The following KHDRBS2 variants were observed in gnomAD, a reference collection of about 807,000 sequenced individuals.
KHDRBS2 encodes the protein KH RNA binding domain containing, signal transduction associated 2.
A neutral mutation model predicts 44.3 loss-of-function variants in KHDRBS2; 26 were observed. The observed-to-expected ratio is 0.59, with a 90% CI of 0.43 to 0.81. The LOEUF (loss-of-function observed/expected upper bound fraction) is 0.81, where lower values mean the gene tolerates loss of function less well. Ranked by LOEUF, KHDRBS2 falls within the 40% of genes least tolerant of loss-of-function variation. KHDRBS2 has a pLI of 0.00. For missense variants in KHDRBS2, 476 were observed against 433.1 expected (o/e 1.10, Z -0.88); for synonymous variants, 194 against 151.1 (o/e 1.28, Z -2.08).
the KHDRBS2 span, among the ~76,000 whole-genome samples, chr6:61,590,584 T>C: frequency 2.0e-5 from 3 of 152,222 alleles, no homozygotes; most frequent in Non-Finnish European, 2.9e-5. Context: ...TTAACCTTTG[T>C]TTCTCACAGT....
intron 2 of KHDRBS2, among the ~76,000 whole-genome samples, chr6:62,067,714 T>C (rs1319892771): frequency 2.6e-5 from 4 of 151,534 alleles, no homozygotes; most frequent in African/African-American, 2.4e-5. Flanking sequence ...AAAAATCCCA[T>C]ACTTAATACT....
intron 7 of KHDRBS2, among the ~76,000 whole-genome samples, chr6:61,722,968 C>CA (rs902917575): frequency 8.5e-5 from 13 of 152,054 alleles, no homozygotes; most frequent in Non-Finnish European, 1.6e-4. Context: ...CTTGGCCTCC[C>CA]AAAGTGCTGG....
At chr6:62,274,933 C>T (rs1047573317) in intron 1 of KHDRBS2, among the ~76,000 whole-genome samples, 2 of 151,350 alleles carry the variant, frequency 1.3e-5, no homozygotes, top group Non-Finnish European at 2.9e-5. Context: ...ATACATATAT[C>T]GCTCATCAAA....
chr6:61,585,297 G>A, the KHDRBS2 span, among the ~76,000 whole-genome samples: 5 of 151,896 alleles, frequency 3.3e-5, no homozygotes, highest in Admixed American at 6.6e-5. Flanking sequence ...ATAAAATAGA[G>A]AAAAATGGTA....
At chr6:62,136,059 C>CA (rs1259600118) in intron 2 of KHDRBS2, among the ~76,000 whole-genome samples, 3,809 of 94,572 alleles carry the variant, frequency 0.04, 77 homozygotes, top group African/African-American at 0.092. Context: ...ATTCTCACCA[C>CA]AAAAAAAAAA....
chr6:62,113,602 G>C (rs768009043), intron 2 of KHDRBS2, among the ~76,000 whole-genome samples: 3 of 151,950 alleles, frequency 2.0e-5, no homozygotes, highest in Admixed American at 1.3e-4. Context: ...TAACACAATC[G>C]CATGGCCTCT....
Position 61,754,870 on chromosome 6 carries a change from G to T in KHDRBS2, c.811-22106C>A, listed in dbSNP as rs1173783101. Among the ~76,000 whole-genome samples the T allele has an allele frequency of 2.0e-5, 3 of 152,070 alleles. 1 individual carries two copies. The highest frequency in any genetic ancestry group is 4.4e-5 in the Non-Finnish European group (3 of 68,000). ...TTGCTCTGCTAAAATGAAAATAATA[G>T]CAATGATTTGCAGCCTTCAGAGTTA... On this transcript the variant is annotated intron_variant, in intron 6 of 8. Coordinates refer to ENST00000281156, the MANE Select transcript of KHDRBS2 (RefSeq NM_152688.4).
intron 1 of KHDRBS2, among the ~76,000 whole-genome samples, chr6:62,243,364 A>T (rs1835010522): frequency 6.6e-6 from 1 of 152,082 alleles, no homozygotes; most frequent in South Asian, 2.1e-4. Context: ...GTTCAATTTC[A>T]AATTTACAAT....
the KHDRBS2 span, chr6:61,574,533 A>T: frequency 5.3e-6 from 3 of 563,220 alleles, no homozygotes; most frequent in African/African-American, 3.9e-5. Context: ...GTATAACCCA[A>T]CCTCCGAGCA....
intron 3 of KHDRBS2, among the ~76,000 whole-genome samples, chr6:62,001,191 A>C (rs1778172960): frequency 6.6e-6 from 1 of 152,214 alleles, no homozygotes; most frequent in African/African-American, 2.4e-5. Flanking sequence ...TCCTTAAAGA[A>C]TATGCAAATT....
At chr6:61,922,312 G>C (rs1284853269) in intron 4 of KHDRBS2, among the ~76,000 whole-genome samples, 1 of 151,954 alleles carries the variant, frequency 6.6e-6, no homozygotes, top group East Asian at 1.9e-4. Context: ...ATGTCTTATT[G>C]CCTTGAAAAA....
chr6:62,070,308 G>A (rs1350120406), intron 2 of KHDRBS2, among the ~76,000 whole-genome samples: 1 of 148,250 alleles, frequency 6.7e-6, no homozygotes, highest in Non-Finnish European at 1.5e-5. Context: ...TACTGGCCTT[G>A]TAAAATAAGT....
the KHDRBS2 span, among the ~76,000 whole-genome samples, chr6:61,568,799 T>A: frequency 6.6e-6 from 1 of 152,192 alleles, no homozygotes; most frequent in Non-Finnish European, 1.5e-5. Flanking sequence ...TCCCTGACTA[T>A]CTCTCACAGG....
chr6:61,736,029 C>G lies in KHDRBS2; in HGVS notation c.811-3265G>C, dbSNP rs1275404524. ...CTTTTCATTCATTGTGTTGGGTGCT[C>G]AATGAGCTCTTTCAATCTAGAGGCT... On this transcript the variant is annotated intron_variant, in intron 6 of 8. Coordinates refer to ENST00000281156, the MANE Select transcript of KHDRBS2 (RefSeq NM_152688.4). Among the ~76,000 whole-genome samples, 6 of 151,116 alleles carry G rather than the reference C, an allele frequency of 4.0e-5. No individual in the cohort carries two copies. The Admixed American group carries it at 4.0e-4, about 10-fold the overall frequency.
intron 2 of KHDRBS2, among the ~76,000 whole-genome samples, chr6:62,093,503 C>T (rs1799880852): frequency 6.6e-6 from 1 of 151,660 alleles, no homozygotes; most frequent in African/African-American, 2.4e-5. Context: ...ATTAAAAAAC[C>T]TCTCTTCTTG....
intron 8 of KHDRBS2, among the ~76,000 whole-genome samples, chr6:61,683,017 A>T (rs1327359449): frequency 6.6e-6 from 1 of 151,876 alleles, no homozygotes; most frequent in Non-Finnish European, 1.5e-5. Context: ...TTTTTAACAA[A>T]AAGAATGTAC....
chr6:61,862,644 C>T (rs1342065455), intron 6 of KHDRBS2, among the ~76,000 whole-genome samples: 1 of 152,068 alleles, frequency 6.6e-6, no homozygotes, highest in Non-Finnish European at 1.5e-5. Flanking sequence ...TATGCTTAAC[C>T]AACCTTGCGT....
At chr6:61,736,975 G>A (rs571330564) in intron 6 of KHDRBS2, among the ~76,000 whole-genome samples, 17 of 152,016 alleles carry the variant, frequency 1.1e-4, no homozygotes, top group African/African-American at 3.9e-4. Flanking sequence ...ATGTATTGTA[G>A]TACTTAGCAT....
chr6:62,044,124 A>C (rs558851201), intron 3 of KHDRBS2, among the ~76,000 whole-genome samples: 1 of 152,114 alleles, frequency 6.6e-6, no homozygotes, highest in African/African-American at 2.4e-5. Flanking sequence ...ATCATGAAGT[A>C]AAGATCGAGT....
Sources: allele counts gnomAD v4.1 joint callset (sites outside exome capture counted in the v4.1 genomes callset), GRCh38; gene constraint gnomAD v4.1.1; transcripts MANE v1.5; gene names NCBI Gene and HGNC (gene_info 2026-07-23, HGNC 2026-07-21).